The following NRG1 variants were observed in gnomAD, a reference collection of about 807,000 sequenced individuals.
The protein encoded by NRG1 is pro-neuregulin-1, membrane-bound isoform.
A neutral mutation model predicts 63.8 loss-of-function variants in NRG1; 18 were observed. The observed-to-expected ratio is 0.28, with a 90% CI of 0.19 to 0.42. The LOEUF is 0.42. Among genes scored for constraint, NRG1 ranks in the 10% least tolerant of loss-of-function variants. The probability of loss-of-function intolerance (pLI) is 1.00; values close to 1 mark genes in which losing one functional copy is unlikely to be tolerated. For missense variants in NRG1, 762 were observed against 814.7 expected (o/e 0.94, Z 0.79); for synonymous variants, 302 against 301.3 (o/e 1.00, Z -0.02).
chr8:32,150,557 G>T (rs1837393407), intron 1 of NRG1, among the ~76,000 whole-genome samples: 2 of 152,210 alleles, frequency 1.3e-5, no homozygotes, highest in Admixed American at 6.5e-5. Flanking sequence ...ATGAAGCAGA[G>T]TGAGCCCTTG....
At chr8:31,858,350 A>G (rs992586368) in intron 1 of NRG1, among the ~76,000 whole-genome samples, 1 of 152,068 alleles carries the variant, frequency 6.6e-6, no homozygotes, top group Non-Finnish European at 1.5e-5. Context: ...TGACCATTCT[A>G]TGATCGTTCG....
chr8:31,966,137 C>T (rs1806284561), intron 1 of NRG1, among the ~76,000 whole-genome samples: 2 of 152,108 alleles, frequency 1.3e-5, no homozygotes, highest in South Asian at 4.1e-4. Context: ...TTGTGAACTG[C>T]TGGATCCCCA....
At chr8:32,771,763 C>A (rs1336446554), downstream of NRG1, among the ~76,000 whole-genome samples, 1 of 140,496 alleles carries the variant, frequency 7.1e-6, no homozygotes, top group Non-Finnish European at 1.5e-5. Context: ...TGGCTCATGA[C>A]TGTAATCCCA....
intron 1 of NRG1, among the ~76,000 whole-genome samples, chr8:31,751,998 T>G (rs1293977974): frequency 6.6e-6 from 1 of 151,908 alleles, no homozygotes; most frequent in Non-Finnish European, 1.5e-5. Context: ...CTGTGACTCA[T>G]GTAAAAGAAA....
intron 1 of NRG1, among the ~76,000 whole-genome samples, chr8:32,067,862 C>A (rs1825125214): frequency 1.3e-5 from 2 of 152,228 alleles, no homozygotes; most frequent in South Asian, 4.1e-4. Flanking sequence ...TTTTTAATCC[C>A]ATCAGGATTT....
chr8:32,505,944 C>G (rs192625322), intron 1 of NRG1, among the ~76,000 whole-genome samples: 157 of 152,238 alleles, frequency 1.0e-3, no homozygotes, highest in Middle Eastern at 6.8e-3. Flanking sequence ...CCTGTGCTTC[C>G]CAGTGGGCAA....
At chr8:31,863,004 T>C (rs1022593838) in intron 1 of NRG1, among the ~76,000 whole-genome samples, 7 of 152,194 alleles carry the variant, frequency 4.6e-5, no homozygotes, top group African/African-American at 1.7e-4. Flanking sequence ...GTAGCTGCCA[T>C]TAGCTCCAGC....
chr8:32,073,484 A>G (rs991126331), intron 1 of NRG1, among the ~76,000 whole-genome samples: 1 of 152,166 alleles, frequency 6.6e-6, no homozygotes, highest in Non-Finnish European at 1.5e-5. Flanking sequence ...TCTTGGTGGC[A>G]TAATTCCTTA....
intron 1 of NRG1, among the ~76,000 whole-genome samples, chr8:32,553,707 T>C (rs1361248990): frequency 6.6e-6 from 1 of 152,174 alleles, no homozygotes; most frequent in African/African-American, 2.4e-5. Context: ...TCGTATAAAT[T>C]GCAGCAATTG....
chr8:31,714,795 T>C (rs1206763785), intron 1 of NRG1, among the ~76,000 whole-genome samples: 1 of 152,174 alleles, frequency 6.6e-6, no homozygotes, highest in Non-Finnish European at 1.5e-5. Flanking sequence ...ATTGAAATAA[T>C]TCATTCCCTG....
chr8:32,366,653 T>TTGTG lies in NRG1; in HGVS notation c.38-229153_38-229150dup, dbSNP rs146191135. 2.3e-3 allele frequency among the ~76,000 whole-genome samples: 238 copies of TTGTG among 101,578 alleles called. 3 individuals are homozygous for TTGTG. The highest frequency in any genetic ancestry group is 6.0e-3 in the Middle Eastern group (1 of 168). 66.6% of individuals were successfully genotyped at this position (101,578 alleles called of 152,430 possible). On this transcript the variant is annotated intron_variant, in intron 1 of 10. Coordinates refer to the NRG1 transcript ENST00000519301. The stretch of plus-strand genomic sequence containing the variant: ...TATATACACATATATGTAATATATA[T>TTGTG]TGTGTGTGTGTGTGTGTGTGTGTGT...
At chr8:31,704,055 C>G (rs1174714170) in intron 1 of NRG1, among the ~76,000 whole-genome samples, 1 of 152,186 alleles carries the variant, frequency 6.6e-6, no homozygotes, top group Non-Finnish European at 1.5e-5. Context: ...TTCTTGGCTT[C>G]AACCAATCCA....
chr8:32,436,393 C>T (rs1483321640), intron 1 of NRG1, among the ~76,000 whole-genome samples: 1 of 152,154 alleles, frequency 6.6e-6, no homozygotes, highest in Non-Finnish European at 1.5e-5. Flanking sequence ...AGAGTGTATA[C>T]TTTCATTTTA....
At chr8:31,703,479 A>G (rs923357888) in intron 1 of NRG1, among the ~76,000 whole-genome samples, 1 of 152,174 alleles carries the variant, frequency 6.6e-6, no homozygotes, top group Admixed American at 6.5e-5. Context: ...GCTGGTTTCA[A>G]TTATTCTGAA....
intron 1 of NRG1, among the ~76,000 whole-genome samples, chr8:32,152,679 T>C (rs933750531): frequency 6.6e-6 from 1 of 152,180 alleles, no homozygotes; most frequent in African/African-American, 2.4e-5. Flanking sequence ...TTTTGTAATA[T>C]AGAAAGAATT....
chr8:32,702,600 C>T (rs1209349475), intron 5 of NRG1, among the ~76,000 whole-genome samples: 1 of 152,180 alleles, frequency 6.6e-6, no homozygotes, highest in African/African-American at 2.4e-5. Flanking sequence ...GATTCTCCTG[C>T]CTCAGCCTGC....
intron 1 of NRG1, among the ~76,000 whole-genome samples, chr8:32,398,559 C>T (rs1489832464): frequency 2.6e-5 from 4 of 151,966 alleles, no homozygotes; most frequent in African/African-American, 4.8e-5. Flanking sequence ...TACAAGTGCC[C>T]GCCATTATGC....
chr8:31,666,802 A>G (rs1488365723), intron 1 of NRG1, among the ~76,000 whole-genome samples: 3 of 152,190 alleles, frequency 2.0e-5, no homozygotes, highest in Non-Finnish European at 1.5e-5. Context: ...GACAGGTTCT[A>G]CCACATGTGG....
chr8:31,746,041 A>G (rs1411413715), intron 1 of NRG1, among the ~76,000 whole-genome samples: 1 of 151,892 alleles, frequency 6.6e-6, no homozygotes, highest in African/African-American at 2.4e-5. Flanking sequence ...TCTTACTTTG[A>G]CAAATCAGAA....
Sources: allele counts gnomAD v4.1 joint callset (sites outside exome capture counted in the v4.1 genomes callset), GRCh38; gene constraint gnomAD v4.1.1; transcripts MANE v1.5; gene names NCBI Gene and HGNC (gene_info 2026-07-23, HGNC 2026-07-21).